Variants in ASB12 observed in about 807,000 individuals in gnomAD.
ASB12 encodes ankyrin repeat and SOCS box protein 12.
Under a neutral mutation model 13.7 loss-of-function variants are expected in ASB12, and 17 were observed. That is an observed-to-expected ratio of 1.24 (90% CI 0.85 to 1.86). The LOEUF (loss-of-function observed/expected upper bound fraction) is 1.86. ASB12 is among the 40% of genes most tolerant of loss of function. The probability of loss-of-function intolerance (pLI) is 0.00; values close to 1 mark genes in which losing one functional copy is unlikely to be tolerated. For synonymous variants in ASB12, 107 were observed against 99.8 expected (o/e 1.07, Z -0.43); for missense variants, 329 against 250.5 (o/e 1.31, Z -2.11).
At chrX:64,228,744 A>AT (rs1169879908) in intron 1 of ASB12, among the ~76,000 whole-genome samples, 10 of 111,166 alleles carry the variant, frequency 9.0e-5, no homozygotes, top group Non-Finnish European at 1.7e-4. Context: ...ATTTAATTTA[A>AT]TTTTTTCAAT....
In ASB12 at chrX:64,225,268, G is replaced by C. The variant is rs373483908; in HGVS notation, c.383C>G (p.Ala128Gly). The change falls in exon 2 of 3, where the codon GCT becomes GGT. Residue 128 changes from alanine to glycine, a missense_variant. Physicochemically the swap from Ala to Gly is moderately conservative, Grantham distance 60. Coordinates refer to ENST00000362002, the MANE Select transcript of ASB12 (RefSeq NM_130388.4). ...HLDCVRVLLE[A>G]GASPGGSIYN... Reference sequence around the variant, plus strand: ...GATGCTACCACCAGGAGAGGCACCAGCTTCCAAAAGCACACGTACACAGTC... The same window carrying C: ...GATGCTACCACCAGGAGAGGCACCACCTTCCAAAAGCACACGTACACAGTC... 24 of 1,211,162 alleles carry C rather than the reference G, an allele frequency of 2.0e-5. No homozygotes were observed. The highest frequency in any genetic ancestry group is 2.7e-5 in the Non-Finnish European group (24 of 895,259).
intron 1 of ASB12, among the ~76,000 whole-genome samples, chrX:64,228,878 G>C (rs1233340352): frequency 8.9e-6 from 1 of 111,784 alleles, no homozygotes; most frequent in Admixed American, 9.5e-5. Flanking sequence ...GCTTTTCAAA[G>C]CAATTTCATG....
intron 1 of ASB12, among the ~76,000 whole-genome samples, chrX:64,229,897 G>A (rs1931021909): frequency 9.0e-6 from 1 of 111,121 alleles, no homozygotes; most frequent in Admixed American, 9.5e-5. Context: ...AGGTTAGGGG[G>A]AAAAAAGGTA....
intron 1 of ASB12, among the ~76,000 whole-genome samples, chrX:64,226,562 G>C (rs1537764): frequency 0.24 from 26,388 of 110,890 alleles, 7,555 homozygotes; most frequent in African/African-American, 0.82. Context: ...GCCAACACTG[G>C]CTCCCCATTC....
Position 64,225,307 on chromosome X carries a change from C to CT in ASB12, c.343dup (p.Ser115LysfsTer21). On this transcript the variant is annotated frameshift_variant, in exon 2 of 3. Transcript: ENST00000362002. LOFTEE classifies it high-confidence loss of function. ...ACGTACACAGTCCAGATGGCCATGA[C>CT]TGACAGCAGTGAAAAGTGGCGTCTG... 1 of 1,210,256 alleles carries CT rather than the reference C, an allele frequency of 8.3e-7. No individual in the cohort carries two copies.
At position 64,224,717 on chromosome X, in the gene ASB12, A is replaced by T. The variant is rs970483903; in HGVS notation, c.823+111T>A. 6.3e-6 allele frequency: 6 copies of T among 949,809 alleles called. No homozygotes were observed. The African/African-American group carries it at 1.4e-4, about 22-fold the overall frequency. 78.3% of individuals were successfully genotyped at this position (949,809 alleles called of 1,213,427 possible). A position where few individuals can be genotyped will look rare whatever the true frequency, so the allele number is the denominator to read the frequency against. On this transcript the variant is annotated intron_variant, in intron 2 of 2. Transcript: ENST00000362002. Reference sequence around the variant, plus strand: ...TCTCTACTGGGGCCCCAGGAGAGGGAGGAAGATGGAGTTTTCTCCAGTGCA... The same window carrying T: ...TCTCTACTGGGGCCCCAGGAGAGGGTGGAAGATGGAGTTTTCTCCAGTGCA...
rs377747146 is a variant in ASB12, at chrX:64,225,927, T to C, written c.-24-253A>G. On this transcript the variant is annotated intron_variant, in intron 1 of 2. Coordinates refer to ENST00000362002, the MANE Select transcript of ASB12 (RefSeq NM_130388.4). The stretch of plus-strand genomic sequence containing the variant: ...AAACTCCTACGTCTAGGAAGCCTTC[T>C]CTAATCTCCTCTTCCTGCTCAGGGA... 1.6e-4 allele frequency among the ~76,000 whole-genome samples: 18 copies of C among 112,560 alleles called. No individual in the cohort carries two copies. In the East Asian group the frequency reaches 5.0e-3, roughly 32 times the overall value.
At position 64,224,344 on chromosome X, in the gene ASB12, G is replaced by T. The variant is rs779578237; in HGVS notation, c.948C>A (p.His316Gln). 2.5e-6 allele frequency: 3 copies of T among 1,211,141 alleles called. No homozygotes were observed. The highest frequency in any genetic ancestry group is 3.5e-5 in the South Asian group (2 of 56,918). Residue 316 changes from histidine (H) to glutamine (Q), a missense_variant, in exon 3 of 3, where the codon CAC becomes CAA. By Grantham distance (24) the His-to-Gln change is conservative (BLOSUM62 0). Coordinates refer to ENST00000362002, the MANE Select transcript of ASB12 (RefSeq NM_130388.4). Reference protein sequence around the residue: ...IPPMLISYLKHQL With the variant: ...IPPMLISYLKQQL The stretch of plus-strand genomic sequence containing the variant: ...TGGGGAGACTGCAAGATTACAGTTG[G>T]TGTTTTAGGTAGCTAATCAACATGG...
chrX:64,226,719 C>T, intron 1 of ASB12: 1 of 754,244 alleles, frequency 1.3e-6, no homozygotes, highest in African/African-American at 2.3e-5. Context: ...CTTACCAGTG[C>T]TTCAGTGTCA....
chrX:64,225,070 A>T lies in ASB12; in HGVS notation c.581T>A (p.Leu194Gln), dbSNP rs769267834. The T allele has an allele frequency of 4.4e-5, 53 of 1,209,838 alleles. No homozygotes were observed. In the Middle Eastern group the frequency reaches 6.9e-4, roughly 16 times the overall value. ...PLYLAAVYGH[L>Q]DCFRLLLLHG... ...GAGCAAAAGCAGGCGGAAACAGTCCAGGTGCCCGTAGACTGCGGCCAAATA... is the reference window on the plus strand; with the variant it reads ...GAGCAAAAGCAGGCGGAAACAGTCCTGGTGCCCGTAGACTGCGGCCAAATA... The change falls in exon 2 of 3, where the codon CTG becomes CAG. Residue 194 changes from leucine to glutamine, a missense_variant. By Grantham distance (113) the Leu-to-Gln change is moderately radical. Transcript: ENST00000362002.
At position 64,225,706 on chromosome X, in the gene ASB12, G is replaced by A. The variant is rs1192417822; in HGVS notation, c.-24-32C>T. 7 of 1,140,518 alleles carry A rather than the reference G, an allele frequency of 6.1e-6. No individual in the cohort carries two copies. In the Admixed American group the frequency reaches 8.0e-5, roughly 13 times the overall value. The allele number at this position is 1,140,518 out of a possible 1,213,427, so 94.0% of individuals were successfully genotyped here. ...GTGACAAACAAGTGGGAGAGAATGA[G>A]GGTACCCATCAAAAGCCTGACCATG... On this transcript the variant is annotated intron_variant, in intron 1 of 2. Transcript: ENST00000362002.
At chrX:64,227,494 C>G (rs1930971150) in intron 1 of ASB12, among the ~76,000 whole-genome samples, 1 of 111,352 alleles carries the variant, frequency 9.0e-6, no homozygotes, top group African/African-American at 3.3e-5. Flanking sequence ...TCTGGAATAT[C>G]TATCCCTACA....
chrX:64,229,002 A>G (rs910557538), intron 1 of ASB12, among the ~76,000 whole-genome samples: 1 of 111,145 alleles, frequency 9.0e-6, no homozygotes, highest in African/African-American at 3.3e-5. Flanking sequence ...CAGAAATAGA[A>G]TCCAGGTTTC....
At chrX:64,227,368 A>T (rs1466386090) in intron 1 of ASB12, among the ~76,000 whole-genome samples, 1 of 111,693 alleles carries the variant, frequency 9.0e-6, no homozygotes, top group Non-Finnish European at 1.9e-5. Flanking sequence ...TCACTTGTCC[A>T]TTCTCTGCAG....
chrX:64,229,064 C>A (rs181421103), intron 1 of ASB12, among the ~76,000 whole-genome samples: 3 of 111,203 alleles, frequency 2.7e-5, no homozygotes, highest in Non-Finnish European at 5.7e-5. Context: ...AAACACATAC[C>A]CCCCTCCCTT....
At chrX:64,224,643 C>G (rs1321039112) in intron 2 of ASB12, among the ~76,000 whole-genome samples, 175 bp from the exon 3 acceptor site, 1 of 106,730 alleles carries the variant, frequency 9.4e-6, no homozygotes, top group African/African-American at 3.4e-5. Flanking sequence ...CACCCCCACC[C>G]AACCTTATCT....
chrX:64,225,745 A>C, intron 1 of ASB12, 71 bp from the exon 2 acceptor site: 1 of 1,032,824 alleles, frequency 9.7e-7, no homozygotes, highest in Non-Finnish European at 1.3e-6. Context: ...GCTCCTTGAA[A>C]TCTCCCTCCA....
intron 1 of ASB12, among the ~76,000 whole-genome samples, chrX:64,226,476 T>C (rs752344627): frequency 9.7e-4 from 108 of 111,850 alleles, no homozygotes; most frequent in Admixed American, 8.6e-3. Flanking sequence ...CAGTCGAGGC[T>C]CCCAGGGCAA....
rs771499068 is a variant in ASB12, at chrX:64,225,301, C to T, written c.350G>A (p.Gly117Asp). ...AAGCACACGTACACAGTCCAGATGG[C>T]CATGACTGACAGCAGTGAAAAGTGG... ...QTPLFTAVSH[G>D]HLDCVRVLLE... is the part of the protein sequence containing the mutation. Residue 117 changes from glycine to aspartate, a missense_variant, in exon 2 of 3, where the codon GGC (glycine) becomes GAC (aspartate). Transcript: ENST00000362002. 10 of 1,210,161 alleles carry T rather than the reference C, an allele frequency of 8.3e-6. No homozygotes were observed. Among genetic ancestry groups the T allele is most frequent in the Non-Finnish European group, 1.1e-5 (10 of 894,847 alleles).
Sources: gnomAD v4.1 joint callset for allele counts (sites outside exome capture counted in the v4.1 genomes callset) on GRCh38, gnomAD v4.1.1 for gene constraint, MANE v1.5 for transcripts, NCBI Gene and HGNC (gene_info 2026-07-23, HGNC 2026-07-21) for gene names.